Variants in CEP112 observed in about 807,000 individuals in gnomAD.
The protein encoded by CEP112 is centrosomal protein of 112 kDa.
CEP112 carries 127 observed loss-of-function variants against 153.0 expected under a neutral mutation model. That is an observed-to-expected ratio of 0.83 (90% CI 0.72 to 0.96). The LOEUF (loss-of-function observed/expected upper bound fraction) is 0.96, where lower values mean the gene tolerates loss of function less well. Ranked by LOEUF, CEP112 falls within the 40% of genes least tolerant of loss-of-function variation. The probability of loss-of-function intolerance (pLI) is 0.00; values close to 1 mark genes in which losing one functional copy is unlikely to be tolerated. For missense variants in CEP112, 1,089 were observed against 1,101.2 expected, an observed-to-expected ratio of 0.99 and a Z score of 0.16; for synonymous variants, 358 against 374.4, an observed-to-expected ratio of 0.96 and a Z score of 0.51.
chr17:66,034,770 C>G (rs1380127187), intron 12 of CEP112, among the ~76,000 whole-genome samples: 2 of 151,548 alleles, frequency 1.3e-5, no homozygotes, highest in African/African-American at 2.4e-5. Flanking sequence ...AACAAAGTAA[C>G]AGTGATAAAG....
chr17:65,722,435 G>A (rs1439807345), intron 23 of CEP112, among the ~76,000 whole-genome samples: 1 of 152,126 alleles, frequency 6.6e-6, no homozygotes, highest in Non-Finnish European at 1.5e-5. Flanking sequence ...TTTTAGCAGA[G>A]ACGGGGTTTC....
chr17:65,957,594 T>C (rs1267448725), intron 18 of CEP112, among the ~76,000 whole-genome samples: 5 of 152,158 alleles, frequency 3.3e-5, no homozygotes, highest in South Asian at 2.1e-4. Flanking sequence ...TTTTAGTTAT[T>C]AGTTTTATAA....
intron 10 of CEP112, among the ~76,000 whole-genome samples, chr17:66,064,225 G>C (rs996805850): frequency 6.6e-6 from 1 of 152,118 alleles, no homozygotes; most frequent in Non-Finnish European, 1.5e-5. Context: ...GTGCCACACA[G>C]GCAAGTGCTC....
chr17:65,661,109 C>T (rs550316119), intron 24 of CEP112, among the ~76,000 whole-genome samples: 1 of 152,134 alleles, frequency 6.6e-6, no homozygotes, highest in Non-Finnish European at 1.5e-5. Context: ...AATGACTTGG[C>T]ATTTTCCCCA....
chr17:66,045,974 A>C (rs2066183968), intron 12 of CEP112, among the ~76,000 whole-genome samples: 1 of 152,254 alleles, frequency 6.6e-6, no homozygotes. Context: ...ATACCACAAC[A>C]GAATAAATGC....
At chr17:66,076,530 C>T (rs896477447) in intron 8 of CEP112, among the ~76,000 whole-genome samples, 1 of 152,212 alleles carries the variant, frequency 6.6e-6, no homozygotes, top group Admixed American at 6.5e-5. Context: ...TCACCCCTAT[C>T]CCCCACAGCA....
At chr17:65,923,356 C>T (rs2144106394) in intron 19 of CEP112, among the ~76,000 whole-genome samples, 1 of 152,104 alleles carries the variant, frequency 6.6e-6, no homozygotes, top group South Asian at 2.1e-4. Context: ...TTTCATTAAT[C>T]CAAATTTATT....
intron 12 of CEP112, among the ~76,000 whole-genome samples, chr17:66,052,460 G>A (rs1417681119): frequency 4.6e-5 from 7 of 152,128 alleles, no homozygotes; most frequent in African/African-American, 1.7e-4. Context: ...GGTTCCTAAA[G>A]AGCTGAAGAC....
chr17:66,008,352 CCTGT>C (rs1345036726), intron 16 of CEP112, among the ~76,000 whole-genome samples: 1 of 152,002 alleles, frequency 6.6e-6, no homozygotes, highest in Non-Finnish European at 1.5e-5. Context: ...ACTTATTCCT[CCTGT>C]CTAAAACTTT....
intron 6 of CEP112, among the ~76,000 whole-genome samples, chr17:66,100,832 G>A (rs188549816): frequency 1.1e-4 from 16 of 152,062 alleles, no homozygotes; most frequent in Admixed American, 1.0e-3. Flanking sequence ...CAAGAAAACA[G>A]TACAGTATAA....
intron 16 of CEP112, among the ~76,000 whole-genome samples, chr17:66,015,933 T>C (rs141197381): frequency 3.5e-4 from 53 of 152,340 alleles, no homozygotes; most frequent in Non-Finnish European, 6.6e-4. Flanking sequence ...TGATTCTTTG[T>C]CCCTTTCTTT....
At chr17:65,742,941 G>A in intron 23 of CEP112, 127 bp downstream of exon 23, 2 of 658,734 alleles carry the variant, frequency 3.0e-6, no homozygotes, top group East Asian at 5.8e-5. Context: ...TCCAGTGAAT[G>A]GAATTACTGC....
At chr17:65,870,014 TAAGAAAGA>T (rs754013580) in intron 20 of CEP112, among the ~76,000 whole-genome samples, 2,157 of 44,666 alleles carry the variant, frequency 0.048, 58 homozygotes, top group African/African-American at 0.085. Flanking sequence ...AGGTAGAGAA[TAAGAAAGA>T]AAGAAAGAAA....
At chr17:66,067,214 G>C (rs1196414063) in intron 9 of CEP112, among the ~76,000 whole-genome samples, 1 of 152,098 alleles carries the variant, frequency 6.6e-6, no homozygotes, top group East Asian at 1.9e-4. Flanking sequence ...TGCCACACTT[G>C]GAAGCTTCCA....
Position 66,175,067 on chromosome 17 carries a change from T to C in CEP112, c.447A>G (p.Val149=). The change falls in exon 4 of 27, where the codon GTA becomes GTG. Residue 149 remains valine (V), a synonymous_variant. Transcript: ENST00000535342. ...KLSSGEDNTL[V]QSPTDVYSRE... ...ACCTGTAGACATCAGTTGGCGACTGTACTAAAGTGTTATCTTCTCCAGAAG... is the reference window on the plus strand; with the variant it reads ...ACCTGTAGACATCAGTTGGCGACTGCACTAAAGTGTTATCTTCTCCAGAAG... 1 of 1,611,452 alleles carries C rather than the reference T, an allele frequency of 6.2e-7. No homozygotes were observed. The highest frequency in any genetic ancestry group is 1.1e-5 in the South Asian group (1 of 90,632).
intron 17 of CEP112, among the ~76,000 whole-genome samples, chr17:65,969,992 TACAC>T (rs1167449358): frequency 6.6e-6 from 1 of 152,198 alleles, no homozygotes; most frequent in Non-Finnish European, 1.5e-5. Context: ...ACACGCATGT[TACAC>T]ACATATCACA....
At chr17:65,774,930 G>T (rs927571589) in intron 21 of CEP112, among the ~76,000 whole-genome samples, 14 of 152,264 alleles carry the variant, frequency 9.2e-5, no homozygotes, top group African/African-American at 3.4e-4. Context: ...CTGGTTTGCT[G>T]CTCTGCTTCC....
intron 18 of CEP112, among the ~76,000 whole-genome samples, chr17:65,949,840 T>G (rs1290371864): frequency 6.6e-6 from 1 of 152,150 alleles, no homozygotes; most frequent in African/African-American, 2.4e-5. Context: ...TTCTTAAGGT[T>G]TCTGAGATTA....
At chr17:65,916,287 G>GTGTGTGTGTGTGTA (rs138734881) in intron 19 of CEP112, among the ~76,000 whole-genome samples, 192 of 147,554 alleles carry the variant, frequency 1.3e-3, no homozygotes, top group Admixed American at 3.4e-3. Context: ...GTGTGTGTGT[G>GTGTGTGTGTGTGTA]TGTGTATGTG....
Sources: gnomAD v4.1 joint callset for allele counts (sites outside exome capture counted in the v4.1 genomes callset) on GRCh38, gnomAD v4.1.1 for gene constraint, MANE v1.5 for transcripts, NCBI Gene and HGNC (gene_info 2026-07-23, HGNC 2026-07-21) for gene names.